RFTN1: variants seen among roughly 807,000 people sequenced by gnomAD.
RFTN1 encodes the protein raftlin, lipid raft linker 1, also known as raftlin.
A neutral mutation model predicts 46.5 loss-of-function variants in RFTN1; 26 were observed. The ratio of observed to expected loss-of-function variants is 0.56; its 90% CI spans 0.41 to 0.78. The LOEUF is 0.78. Among genes scored for constraint, RFTN1 ranks in the 30% least tolerant of loss-of-function variants. The pLI is 0.00. For synonymous variants in RFTN1, 261 were observed against 284.2 expected (o/e 0.92, Z 0.82); for missense variants, 693 against 718.7 (o/e 0.96, Z 0.41).
intron 8 of RFTN1, among the ~76,000 whole-genome samples, chr3:16,326,471 T>G (rs993627023): frequency 2.6e-5 from 4 of 152,258 alleles, no homozygotes; most frequent in Admixed American, 2.6e-4. Flanking sequence ...TAGTAGGTGC[T>G]GAATTTCTTT....
At chr3:16,414,322 A>G (rs948051769) in intron 3 of RFTN1, among the ~76,000 whole-genome samples, 2 of 151,742 alleles carry the variant, frequency 1.3e-5, no homozygotes, top group Non-Finnish European at 2.9e-5. Context: ...AAAGAAAGAA[A>G]AGGGCTGGGC....
chr3:16,469,973 A>G (rs970813154), intron 2 of RFTN1, among the ~76,000 whole-genome samples: 3 of 152,210 alleles, frequency 2.0e-5, no homozygotes, highest in African/African-American at 7.2e-5. Context: ...GAAAGGGTTA[A>G]GTGACTTGCT....
In RFTN1 at chr3:16,382,727, C is replaced by A. The variant is rs527312207; in HGVS notation, c.442-4625G>T. Among the ~76,000 whole-genome samples, 2 of 152,178 alleles carry A rather than the reference C, an allele frequency of 1.3e-5. No homozygotes were observed. The highest frequency in any genetic ancestry group is 2.9e-5 in the Non-Finnish European group (2 of 68,032). ...GTTTCTAATCCTGTGTGTCTGTTCACCACACCCTACCACATTTATCCCCCA... is the reference window on the plus strand; with the variant it reads ...GTTTCTAATCCTGTGTGTCTGTTCAACACACCCTACCACATTTATCCCCCA... On this transcript the variant is annotated intron_variant, in intron 4 of 9. Transcript: ENST00000334133. This position sits in a 1 kb window ranked among gnomAD's most constrained non-coding sequence, Gnocchi z 4.7.
rs1425466081 is a variant in RFTN1 at position 16,513,169 on chromosome 3, C to T, written c.-9+273G>A. ...ACAGGCTGCTCCGAAGTGCCTCTCC[C>T]TACATCGCTCCAGGAATGACTCCCC... On this transcript the variant is annotated intron_variant, in intron 1 of 9. Transcript: ENST00000334133. This position sits in a 1 kb window ranked among gnomAD's most constrained non-coding sequence, Gnocchi z 5.4. The T allele has an allele frequency of 6.6e-6, 1 of 152,568 alleles. No individual in the cohort carries two copies. Among genetic ancestry groups the T allele is most frequent in the Admixed American group, 6.5e-5 (1 of 15,294 alleles). 9.5% of individuals were successfully genotyped at this position (152,568 alleles called of 1,614,324 possible). A position where few individuals can be genotyped will look rare whatever the true frequency, so the allele number is the denominator to read the frequency against.
rs1014263304 is a variant in RFTN1 at position 16,428,637 on chromosome 3, G to A, written c.332+5214C>T. Among the ~76,000 whole-genome samples the A allele has an allele frequency of 1.8e-4, 28 of 152,154 alleles. No individual in the cohort carries two copies. Among genetic ancestry groups the A allele is most frequent in the African/African-American group, 6.3e-4 (26 of 41,424 alleles). Reference sequence around the variant, plus strand: ...GTACCATGTAAGGCATTACTCTACGGAAGCTGTCGCCAAAGGACTTCAACT... The same window carrying A: ...GTACCATGTAAGGCATTACTCTACGAAAGCTGTCGCCAAAGGACTTCAACT... On this transcript the variant is annotated intron_variant, in intron 3 of 9. Transcript: ENST00000334133. This position sits in a 1 kb window ranked among gnomAD's most constrained non-coding sequence, Gnocchi z 4.7.
intron 2 of RFTN1, among the ~76,000 whole-genome samples, chr3:16,492,185 G>C (rs1262222724): frequency 6.6e-6 from 1 of 152,180 alleles, no homozygotes; most frequent in African/African-American, 2.4e-5. Context: ...GAAGATGCTG[G>C]CTTCAGTTTT....
rs79264008 is a variant in RFTN1, at chr3:16,356,381, C to G, written c.1146+1551G>C. ...TTCTGGCCCCTACGCTAACCAGCCC[C>G]GGATGCTGTGACTTTCCAACTCCTG... On this transcript the variant is annotated intron_variant, in intron 7 of 9. Transcript: ENST00000334133. The surrounding 1 kb of genome is among the most constrained non-coding windows in gnomAD (Gnocchi z 4.9). 1.3e-5 allele frequency among the ~76,000 whole-genome samples: 2 copies of G among 152,322 alleles called. No homozygotes were observed. The highest frequency in any genetic ancestry group is 4.1e-4 in the South Asian group (2 of 4,826).
intron 3 of RFTN1, among the ~76,000 whole-genome samples, chr3:16,415,430 T>TATATACACACACACACACACAC: frequency 8.8e-6 from 1 of 114,276 alleles, no homozygotes; most frequent in Non-Finnish European, 2.0e-5. Context: ...TATATATATA[T>TATATACACACACACACACACAC]ACACACACAC....
At chr3:16,323,248 TCAGGTGTTCCTTGGG>T (rs2069284943) in intron 9 of RFTN1, 113 bp downstream of exon 9, 1 of 669,566 alleles carries the variant, frequency 1.5e-6, no homozygotes, top group African/African-American at 1.8e-5. Context: ...TGCCAGGGGC[TCAGGTGTTCCTTGGG>T]CTCTGCGAGC....
In RFTN1 at chr3:16,479,907, G is replaced by C. The variant is rs1359115574; in HGVS notation, c.145+13818C>G. On this transcript the variant is annotated intron_variant, in intron 2 of 9. Coordinates refer to ENST00000334133, the MANE Select transcript of RFTN1 (RefSeq NM_015150.2). The surrounding 1 kb of genome is among the most constrained non-coding windows in gnomAD (Gnocchi z 5.1). ...TAAATCATGGCAGATGCTTCTCCAA[G>C]ATAACACACAGACTCTATTAGGGCT... Among the ~76,000 whole-genome samples, 1 of 152,180 alleles carries C rather than the reference G, an allele frequency of 6.6e-6. No homozygotes were observed. Among genetic ancestry groups the C allele is most frequent in the Admixed American group, 6.5e-5 (1 of 15,284 alleles).
At chr3:16,493,677 T>G in intron 2 of RFTN1, 48 bp downstream of exon 2, 3 of 783,502 alleles carry the variant, frequency 3.8e-6, no homozygotes, top group Non-Finnish European at 5.3e-6. Context: ...TGCAGGCCCC[T>G]GCTGGAGACC....
rs141854139 is a variant in RFTN1 at position 16,435,319 on chromosome 3, C to T, written c.146-1282G>A. Among the ~76,000 whole-genome samples the T allele has an allele frequency of 7.0e-3, 1,061 of 152,232 alleles. 13 individuals carry two copies. Among genetic ancestry groups the T allele is most frequent in the African/African-American group, 0.025 (1,028 of 41,544 alleles). ...GGCAGTGGCTCACGCCTGTTATCCC[C>T]GCACTTTGGGAGGCCAAGGTAGGCG... On this transcript the variant is annotated intron_variant, in intron 2 of 9. Coordinates refer to ENST00000334133, the MANE Select transcript of RFTN1 (RefSeq NM_015150.2).
At chr3:16,431,083 C>T (rs1023275820) in intron 3 of RFTN1, among the ~76,000 whole-genome samples, 8 of 152,132 alleles carry the variant, frequency 5.3e-5, no homozygotes, top group African/African-American at 1.9e-4. Flanking sequence ...GTAGTAACAG[C>T]CCCTCATTGT....
At chr3:16,414,689 A>G (rs562548573) in intron 3 of RFTN1, among the ~76,000 whole-genome samples, 1 of 152,190 alleles carries the variant, frequency 6.6e-6, no homozygotes, top group South Asian at 2.1e-4. Context: ...AGACAGTTGT[A>G]GTTTTAATGA....
intron 7 of RFTN1, among the ~76,000 whole-genome samples, 164 bp downstream of exon 7, chr3:16,357,768 A>G (rs948916571): frequency 6.6e-6 from 1 of 152,074 alleles, no homozygotes; most frequent in Non-Finnish European, 1.5e-5. Flanking sequence ...GGGTGGGAAA[A>G]GAGGGGAATG....
chr3:16,480,305 T>G lies in RFTN1; in HGVS notation c.145+13420A>C, dbSNP rs917352462. ...ACTAATTCTGAGCTTACACTAGGGA[T>G]GCCCAAGTGAAATAATCCCTTCCCT... On this transcript the variant is annotated intron_variant, in intron 2 of 9. Transcript: ENST00000334133. This position sits in a 1 kb window ranked among gnomAD's most constrained non-coding sequence, Gnocchi z 4.3. 6.6e-6 allele frequency among the ~76,000 whole-genome samples: 1 copy of G among 152,236 alleles called. No individual in the cohort carries two copies. The highest frequency in any genetic ancestry group is 2.4e-5 in the African/African-American group (1 of 41,466).
chr3:16,463,616 T>C (rs1392188267), intron 2 of RFTN1, among the ~76,000 whole-genome samples: 2 of 152,240 alleles, frequency 1.3e-5, no homozygotes, highest in African/African-American at 4.8e-5. Context: ...TATTAATTAG[T>C]TATTTTTAAA....
In RFTN1 at chr3:16,337,497, A is replaced by G. The variant is rs1178156682; in HGVS notation, c.1147-10621T>C. 6.6e-6 allele frequency: 1 copy of G among 152,186 alleles called. No homozygotes were observed. The highest frequency in any genetic ancestry group is 2.4e-5 in the African/African-American group (1 of 41,414). The allele number at this position is 152,186 out of a possible 1,614,324, so 9.4% of individuals were successfully genotyped here. A position where few individuals can be genotyped will look rare whatever the true frequency, so the allele number is the denominator to read the frequency against. On this transcript the variant is annotated intron_variant, in intron 7 of 9. Transcript: ENST00000334133. This position sits in a 1 kb window ranked among gnomAD's most constrained non-coding sequence, Gnocchi z 5.0. The stretch of plus-strand genomic sequence containing the variant: ...AGTGGCTCACGCCTGTAATCTCTGC[A>G]CTTTGGGAGGCAGAGGTGGGTGGAT...
At chr3:16,435,916 A>AT (rs1221894355) in intron 2 of RFTN1, among the ~76,000 whole-genome samples, 26 of 50,278 alleles carry the variant, frequency 5.2e-4, no homozygotes, top group African/African-American at 1.6e-3. Flanking sequence ...TCAGAGATGT[A>AT]AATATATATA....
Sources: allele counts gnomAD v4.1 joint callset (sites outside exome capture counted in the v4.1 genomes callset), GRCh38; gene constraint gnomAD v4.1.1; non-coding constraint Gnocchi (gnomAD v3.1); transcripts MANE v1.5; gene names NCBI Gene and HGNC (gene_info 2026-07-23, HGNC 2026-07-21).